Variants in STEAP1B observed in about 807,000 individuals in gnomAD.
STEAP1B encodes STEAP family protein MGC87042.
In STEAP1B, 13 loss-of-function variants were observed where a neutral mutation model predicts 27.9. The observed-to-expected ratio is 0.47, with a 90% confidence interval of 0.30 to 0.74. The LOEUF is 0.74. Among genes scored for constraint, STEAP1B ranks in the 30% least tolerant of loss-of-function variants. The pLI, the probability that STEAP1B is intolerant of heterozygous loss-of-function variation, is 0.06. For missense variants in STEAP1B, 250 were observed against 298.7 expected, an observed-to-expected ratio of 0.84 and a Z score of 1.20; for synonymous variants, 86 against 107.1, an observed-to-expected ratio of 0.80 and a Z score of 1.22.
chr7:22,471,028 C>T (rs928148612), intron 4 of STEAP1B, among the ~76,000 whole-genome samples: 2 of 151,954 alleles, frequency 1.3e-5, no homozygotes, highest in African/African-American at 4.8e-5. Flanking sequence ...GGCCTGCTTT[C>T]ATCTTTAAAT....
intron 4 of STEAP1B, among the ~76,000 whole-genome samples, chr7:22,478,462 A>G (rs1786011455): frequency 6.6e-6 from 1 of 152,166 alleles, no homozygotes; most frequent in South Asian, 2.1e-4. Flanking sequence ...ACACAGTCCT[A>G]TGATAGCCAC....
At chr7:22,460,852 A>G (rs1785666295) in intron 4 of STEAP1B, among the ~76,000 whole-genome samples, 1 of 152,186 alleles carries the variant, frequency 6.6e-6, no homozygotes, top group South Asian at 2.1e-4. Flanking sequence ...CATTATATAC[A>G]TATATGCATG....
At chr7:22,430,275 C>G (rs75755845) in intron 4 of STEAP1B, among the ~76,000 whole-genome samples, 1 of 152,162 alleles carries the variant, frequency 6.6e-6, no homozygotes, top group Non-Finnish European at 1.5e-5. Context: ...AATGTTCTCA[C>G]AGGATTTTGT....
chr7:22,491,781 G>T (rs976836051), intron 4 of STEAP1B, among the ~76,000 whole-genome samples: 2 of 152,112 alleles, frequency 1.3e-5, no homozygotes, highest in African/African-American at 4.8e-5. Flanking sequence ...TTTTAAGTGT[G>T]AGGACCCATT....
intron 4 of STEAP1B, among the ~76,000 whole-genome samples, chr7:22,459,201 C>G (rs184476225): frequency 1.4e-3 from 212 of 152,360 alleles, no homozygotes; most frequent in South Asian, 3.3e-3. Flanking sequence ...AGCATAGGCA[C>G]AGGCTTTGAT....
At chr7:22,469,238 AAAT>A (rs1431201381) in intron 4 of STEAP1B, among the ~76,000 whole-genome samples, 1 of 152,020 alleles carries the variant, frequency 6.6e-6, no homozygotes, top group Non-Finnish European at 1.5e-5. Flanking sequence ...AAAAAAGAAT[AAAT>A]AATTTAATAT....
chr7:22,437,733 G>GT lies in STEAP1B; in HGVS notation c.763-17898dup, dbSNP rs942233884. On this transcript the variant is annotated intron_variant, in intron 4 of 4. Transcript: ENST00000678116. ...TACATTTCCATCAACAGTGTAAAAG[G>GT]TTTTTCTCTTCTCCACATCCTTGCC... Among the ~76,000 whole-genome samples, 11 of 152,234 alleles carry GT rather than the reference G, an allele frequency of 7.2e-5. No individual in the cohort carries two copies. The South Asian group carries it at 1.0e-3, about 14-fold the overall frequency.
chr7:22,492,589 T>C lies in STEAP1B; in HGVS notation c.738A>G (p.Thr246=), dbSNP rs755104790. ...CCTGAATATAGTGAAATTCTCTCCA[T>C]GTCAAAGAGTCACTCACAGATGGAA... is the stretch of plus-strand genomic sequence containing the variant. ...TSIPSVSDSL[T]WREFHYIQVH... The change falls in exon 4 of 5, where the codon ACA becomes ACG. Residue 246 remains threonine, a synonymous_variant. Coordinates refer to ENST00000678116, the MANE Select transcript of STEAP1B (RefSeq NM_001382447.1). The C allele has an allele frequency of 3.1e-6, 5 of 1,603,936 alleles. No individual in the cohort carries two copies. The highest frequency in any genetic ancestry group is 3.4e-6 in the Non-Finnish European group (4 of 1,177,378).
At chr7:22,463,431 G>C (rs951469737) in intron 4 of STEAP1B, among the ~76,000 whole-genome samples, 100 of 152,216 alleles carry the variant, frequency 6.6e-4, no homozygotes, top group African/African-American at 2.2e-3. Flanking sequence ...CCAATGACTT[G>C]CTTCACAGAA....
chr7:22,439,637 A>G (rs1054300802), intron 4 of STEAP1B, among the ~76,000 whole-genome samples: 3 of 152,204 alleles, frequency 2.0e-5, no homozygotes, highest in South Asian at 2.1e-4. Context: ...TGGAAAAATA[A>G]TGTTCTTACT....
At chr7:22,450,436 T>A (rs900292198) in intron 4 of STEAP1B, among the ~76,000 whole-genome samples, 19 of 152,308 alleles carry the variant, frequency 1.2e-4, no homozygotes, top group Non-Finnish European at 2.6e-4. Flanking sequence ...GAGACTGACT[T>A]TTTCCCAGTA....
At chr7:22,429,664 G>A (rs1259080650) in intron 4 of STEAP1B, among the ~76,000 whole-genome samples, 1 of 152,146 alleles carries the variant, frequency 6.6e-6, no homozygotes, top group African/African-American at 2.4e-5. Context: ...ACACTGCTCA[G>A]AACAGTGCAC....
intron 4 of STEAP1B, among the ~76,000 whole-genome samples, chr7:22,429,515 A>G (rs1785152063): frequency 6.6e-6 from 1 of 152,108 alleles, no homozygotes; most frequent in Non-Finnish European, 1.5e-5. Context: ...AACCCTATAT[A>G]TACTATAGCT....
intron 1 of STEAP1B, among the ~76,000 whole-genome samples, chr7:22,498,395 G>C (rs10250627): frequency 0.086 from 13,048 of 152,148 alleles, 650 homozygotes; most frequent in African/African-American, 0.096. Flanking sequence ...TTTGTGGGGT[G>C]GGGGAGGGAG....
chr7:22,465,796 T>C (rs1384729322), intron 4 of STEAP1B, among the ~76,000 whole-genome samples: 4 of 152,098 alleles, frequency 2.6e-5, no homozygotes, highest in Non-Finnish European at 5.9e-5. Context: ...TGCATAGAAA[T>C]AGTCCAGTGC....
chr7:22,434,360 G>C (rs1160489374), intron 4 of STEAP1B, among the ~76,000 whole-genome samples: 1 of 152,190 alleles, frequency 6.6e-6, no homozygotes, highest in African/African-American at 2.4e-5. Context: ...ATCGCCCCCA[G>C]AGTCATGACT....
chr7:22,443,031 G>C (rs928352345), intron 4 of STEAP1B, among the ~76,000 whole-genome samples: 8 of 152,150 alleles, frequency 5.3e-5, no homozygotes, highest in Non-Finnish European at 1.2e-4. Context: ...TCAGTCTGAG[G>C]CTCCTTCCTT....
intron 4 of STEAP1B, among the ~76,000 whole-genome samples, chr7:22,445,307 T>C (rs1032559015): frequency 2.0e-5 from 3 of 152,264 alleles, no homozygotes; most frequent in Admixed American, 6.5e-5. Flanking sequence ...CTTCATGTCT[T>C]CCTCCTGTAA....
At chr7:22,466,740 A>G (rs140673356) in intron 4 of STEAP1B, among the ~76,000 whole-genome samples, 1 of 152,330 alleles carries the variant, frequency 6.6e-6, no homozygotes, top group African/African-American at 2.4e-5. Context: ...ATTGAGAGCT[A>G]CATTTCCATC....
Sources: gnomAD v4.1 joint callset for allele counts (sites outside exome capture counted in the v4.1 genomes callset) on GRCh38, gnomAD v4.1.1 for gene constraint, MANE v1.5 for transcripts, NCBI Gene and HGNC (gene_info 2026-07-23, HGNC 2026-07-21) for gene names.